Variants in AGK observed in about 807,000 individuals in gnomAD.
AGK encodes acylglycerol kinase, mitochondrial.
Under a neutral mutation model 66.4 loss-of-function variants are expected in AGK, and 52 were observed. That is an observed-to-expected ratio of 0.78 (90% CI 0.63 to 0.99). The LOEUF (loss-of-function observed/expected upper bound fraction) is 0.99, where lower values mean the gene tolerates loss of function less well. Ranked by LOEUF, AGK falls within the 50% of genes least tolerant of loss-of-function variation. The probability of loss-of-function intolerance (pLI) is 0.00; values close to 1 mark genes in which losing one functional copy is unlikely to be tolerated. For synonymous variants in AGK, 182 were observed against 181.1 expected, an observed-to-expected ratio of 1.00 and a Z score of -0.04; for missense variants, 451 against 506.6, an observed-to-expected ratio of 0.89 and a Z score of 1.05.
intron 9 of AGK, among the ~76,000 whole-genome samples, chr7:141,624,440 C>T (rs2116980650): frequency 6.6e-6 from 1 of 152,206 alleles, no homozygotes; most frequent in East Asian, 1.9e-4. Flanking sequence ...AAACGATTCA[C>T]CATTCTAGAT....
chr7:141,650,938 T>C (rs1797541321), intron 14 of AGK, among the ~76,000 whole-genome samples: 1 of 152,166 alleles, frequency 6.6e-6, no homozygotes, highest in Admixed American at 6.5e-5. Context: ...ATGTGGATGG[T>C]TGCTGTCCTG....
chr7:141,552,736 C>T (rs1795121903), intron 1 of AGK, among the ~76,000 whole-genome samples: 1 of 152,168 alleles, frequency 6.6e-6, no homozygotes, highest in African/African-American at 2.4e-5. Context: ...GTTTGACCTT[C>T]TTCTGTATAA....
chr7:141,566,040 C>T (rs1023178305), intron 2 of AGK, among the ~76,000 whole-genome samples: 3 of 152,206 alleles, frequency 2.0e-5, no homozygotes, highest in Admixed American at 6.5e-5. Context: ...TTCCGATCTT[C>T]GGAAGTGACA....
At chr7:141,647,278 C>T (rs1468580852) in intron 13 of AGK, among the ~76,000 whole-genome samples, 2 of 152,194 alleles carry the variant, frequency 1.3e-5, no homozygotes, top group Non-Finnish European at 2.9e-5. Flanking sequence ...ATATTTCCCT[C>T]CTTAGAACCC....
At chr7:141,633,109 T>C (rs1320941932) in intron 9 of AGK, among the ~76,000 whole-genome samples, 4 of 152,186 alleles carry the variant, frequency 2.6e-5, no homozygotes, top group Non-Finnish European at 4.4e-5. Flanking sequence ...TAGCAACTTC[T>C]GTGGAGTCTT....
chr7:141,573,734 G>C (rs1213177407), intron 2 of AGK, among the ~76,000 whole-genome samples: 1 of 152,170 alleles, frequency 6.6e-6, no homozygotes, highest in African/African-American at 2.4e-5. Context: ...AACTTGTGAG[G>C]CAGAGGGACG....
At position 141,600,228 on chromosome 7, in the gene AGK, G is replaced by A. The variant is rs34257321; in HGVS notation, c.222-977G>A. 7.7e-3 allele frequency among the ~76,000 whole-genome samples: 1,169 copies of A among 152,048 alleles called. 3 individuals carry two copies. Among genetic ancestry groups the A allele is most frequent in the Non-Finnish European group, 0.013 (913 of 67,962 alleles). ...AAGTACTGGATTTTTTTTTCCTTAT[G>A]TAATAGTTGAAATATTTGAGTAAAA... is the stretch of plus-strand genomic sequence containing the variant. On this transcript the variant is annotated intron_variant, in intron 4 of 15. Coordinates refer to ENST00000649286, the MANE Select transcript of AGK (RefSeq NM_018238.4).
intron 2 of AGK, among the ~76,000 whole-genome samples, chr7:141,569,097 A>G (rs1384175600): frequency 6.6e-6 from 1 of 152,188 alleles, no homozygotes; most frequent in African/African-American, 2.4e-5. Context: ...ATTACTGTAT[A>G]TTGGCTTTTC....
chr7:141,584,416 G>A (rs1309838192), intron 2 of AGK, among the ~76,000 whole-genome samples: 1 of 152,144 alleles, frequency 6.6e-6, no homozygotes, highest in Non-Finnish European at 1.5e-5. Flanking sequence ...GGATACGATG[G>A]CTTAGCTTGG....
intron 13 of AGK, among the ~76,000 whole-genome samples, chr7:141,642,460 A>G (rs999980298): frequency 6.6e-6 from 1 of 152,224 alleles, no homozygotes; most frequent in African/African-American, 2.4e-5. Context: ...TTAGTTCCTA[A>G]GTCACACTCA....
intron 11 of AGK, among the ~76,000 whole-genome samples, chr7:141,639,384 G>A (rs1259544448): frequency 6.6e-6 from 1 of 152,166 alleles, no homozygotes; most frequent in East Asian, 1.9e-4. Flanking sequence ...ATATCCATGT[G>A]TTTCTAGACT....
At chr7:141,571,015 G>A (rs760201554) in intron 2 of AGK, among the ~76,000 whole-genome samples, 21 of 152,136 alleles carry the variant, frequency 1.4e-4, no homozygotes, top group Non-Finnish European at 2.5e-4. Context: ...TAGCTGTGCA[G>A]AGCCATATGG....
chr7:141,616,882 C>T (rs1796716435), intron 8 of AGK, among the ~76,000 whole-genome samples: 1 of 151,764 alleles, frequency 6.6e-6, no homozygotes, highest in South Asian at 2.1e-4. Flanking sequence ...CCTCAGCCTC[C>T]GAGTAGCTGG....
intron 3 of AGK, among the ~76,000 whole-genome samples, chr7:141,594,543 C>G (rs1464253805): frequency 6.6e-6 from 1 of 152,048 alleles, no homozygotes; most frequent in African/African-American, 2.4e-5. Flanking sequence ...TAGGGCCCTC[C>G]CTTTCTTGTT....
At chr7:141,566,720 T>C (rs1022963881) in intron 2 of AGK, among the ~76,000 whole-genome samples, 3 of 152,226 alleles carry the variant, frequency 2.0e-5, no homozygotes, top group African/African-American at 7.2e-5. Flanking sequence ...GCTGCCATCC[T>C]CCTGTTCAGC....
chr7:141,597,890 C>CAAA (rs56295907), intron 4 of AGK, among the ~76,000 whole-genome samples: 63 of 71,434 alleles, frequency 8.8e-4, no homozygotes, highest in African/African-American at 3.7e-3. Flanking sequence ...GACTCTGTCT[C>CAAA]AAAAAAAAAA....
chr7:141,619,732 A>C (rs971357521), intron 8 of AGK, among the ~76,000 whole-genome samples: 1 of 152,068 alleles, frequency 6.6e-6, no homozygotes, highest in Admixed American at 6.5e-5. Context: ...ACTCTTGGAT[A>C]TCATTGGTGC....
chr7:141,565,802 T>G (rs1289174139), intron 2 of AGK, among the ~76,000 whole-genome samples: 1 of 152,234 alleles, frequency 6.6e-6, no homozygotes, highest in African/African-American at 2.4e-5. Flanking sequence ...TTGTCCATAC[T>G]ACTATTGTCG....
intron 2 of AGK, among the ~76,000 whole-genome samples, chr7:141,564,266 T>C (rs911163235): frequency 1.3e-5 from 2 of 152,224 alleles, no homozygotes; most frequent in African/African-American, 4.8e-5. Context: ...CTCATGCTTC[T>C]AATAAAGATA....
Sources: gnomAD v4.1 joint callset for allele counts (sites outside exome capture counted in the v4.1 genomes callset) on GRCh38, gnomAD v4.1.1 for gene constraint, MANE v1.5 for transcripts, NCBI Gene and HGNC (gene_info 2026-07-23, HGNC 2026-07-21) for gene names.